ANO2: variants seen among roughly 807,000 people sequenced by gnomAD.
The protein encoded by ANO2 is anoctamin 2, also known as anoctamin-2.
A neutral mutation model predicts 124.2 loss-of-function variants in ANO2; 101 were observed. The ratio of observed to expected loss-of-function variants is 0.81; its 90% confidence interval spans 0.69 to 0.96. ANO2 has a LOEUF of 0.96. Ranked by LOEUF, ANO2 falls within the 40% of genes least tolerant of loss-of-function variation. ANO2 has a pLI of 0.00. For synonymous variants in ANO2, 486 were observed against 482.5 expected (o/e 1.01, Z -0.09); for missense variants, 1,293 against 1,274.5 (o/e 1.01, Z -0.22).
chr12:5,945,835 A>G (rs1449322377), upstream of ANO2, among the ~76,000 whole-genome samples: 1 of 152,162 alleles, frequency 6.6e-6, no homozygotes, highest in African/African-American at 2.4e-5. Context: ...ACCGCAAAAC[A>G]GGAGGGGCTG....
chr12:5,920,415 CA>C (rs1408628968), intron 3 of ANO2, among the ~76,000 whole-genome samples: 1 of 152,124 alleles, frequency 6.6e-6, no homozygotes, highest in Non-Finnish European at 1.5e-5. Context: ...CTGAGAATGT[CA>C]AGAAGAAATT....
chr12:5,756,431 G>A (rs1419606033), intron 10 of ANO2, among the ~76,000 whole-genome samples: 1 of 152,098 alleles, frequency 6.6e-6, no homozygotes, highest in Admixed American at 6.5e-5. Flanking sequence ...TGTGATCCTT[G>A]TAGCCTTAGA....
intron 4 of ANO2, among the ~76,000 whole-genome samples, chr12:5,851,737 C>G (rs949358805): frequency 3.6e-4 from 53 of 146,122 alleles, no homozygotes; most frequent in Admixed American, 1.2e-3. Context: ...GTGCAAAGAA[C>G]AGAGAGAGAG....
At chr12:5,930,472 G>A (rs987481792) in intron 1 of ANO2, among the ~76,000 whole-genome samples, 3 of 150,484 alleles carry the variant, frequency 2.0e-5, no homozygotes, top group African/African-American at 7.3e-5. Flanking sequence ...GACTCGATCA[G>A]GAAAGACCCT....
At position 5,759,754 on chromosome 12, in the gene ANO2, G is replaced by A. The variant is rs534965347; in HGVS notation, c.1056-8784C>T. On this transcript the variant is annotated intron_variant, in intron 10 of 24. Coordinates refer to ENST00000682330, the MANE Select transcript of ANO2 (RefSeq NM_001364791.2). ...TGATCCCTGGTGCCAAAAAGGTTGC[G>A]GACTGCTGCCTTAAAGTATGGAAAG... Among the ~76,000 whole-genome samples, 188 of 151,388 alleles carry A rather than the reference G, an allele frequency of 1.2e-3. 1 individual carries two copies. The highest frequency in any genetic ancestry group is 4.3e-3 in the African/African-American group (176 of 41,186).
At chr12:5,885,089 T>C (rs2137303881) in intron 3 of ANO2, among the ~76,000 whole-genome samples, 1 of 152,326 alleles carries the variant, frequency 6.6e-6, no homozygotes, top group South Asian at 2.1e-4. Context: ...GAACAAAATT[T>C]CCTTTGGTGG....
At chr12:5,633,134 C>T (rs1201026160) in intron 16 of ANO2, among the ~76,000 whole-genome samples, 1 of 152,198 alleles carries the variant, frequency 6.6e-6, no homozygotes, top group African/African-American at 2.4e-5. Flanking sequence ...AACCATTTCT[C>T]CTCTTGGGTG....
At chr12:5,808,501 C>T (rs144634266) in intron 7 of ANO2, among the ~76,000 whole-genome samples, 256 of 152,078 alleles carry the variant, frequency 1.7e-3, no homozygotes, top group Non-Finnish European at 3.2e-3. Flanking sequence ...TCCCGCCATA[C>T]GAGGATCCAC....
At chr12:5,930,023 C>G (rs1410694432) in intron 1 of ANO2, among the ~76,000 whole-genome samples, 82 of 101,260 alleles carry the variant, frequency 8.1e-4, no homozygotes, top group Admixed American at 1.2e-3. Flanking sequence ...TACCTTCTTT[C>G]CTTATTAGTC....
intron 14 of ANO2, among the ~76,000 whole-genome samples, chr12:5,720,576 TG>T (rs1424470228): frequency 6.6e-6 from 1 of 152,260 alleles, no homozygotes; most frequent in Non-Finnish European, 1.5e-5. Flanking sequence ...CCCAATGGTA[TG>T]TGCTGGCCTC....
At chr12:5,914,175 A>C (rs79930849) in intron 3 of ANO2, among the ~76,000 whole-genome samples, 2 of 150,398 alleles carry the variant, frequency 1.3e-5, no homozygotes, top group South Asian at 2.1e-4. Flanking sequence ...ACTCCAGCCT[A>C]GGTGACAGAG....
chr12:5,640,706 A>T (rs1417878729), intron 15 of ANO2, among the ~76,000 whole-genome samples: 1 of 152,222 alleles, frequency 6.6e-6, no homozygotes, highest in African/African-American at 2.4e-5. Context: ...AATGGCAATC[A>T]TTAAAAGTCA....
At position 5,933,965 on chromosome 12, in the gene ANO2, C is replaced by T. The variant is rs1222078277; in HGVS notation, c.23-11161G>A. Among the ~76,000 whole-genome samples, 3 of 152,254 alleles carry T rather than the reference C, an allele frequency of 2.0e-5. No homozygotes were observed. The East Asian group carries it at 5.8e-4, about 29-fold the overall frequency. ...CTGGATGCAATAAGAGCTCTAAAAGCTTTTGGAGGTAACGATGTAGGGAAC... is the reference window on the plus strand; with the variant it reads ...CTGGATGCAATAAGAGCTCTAAAAGTTTTTGGAGGTAACGATGTAGGGAAC... On this transcript the variant is annotated intron_variant, in intron 1 of 24. Coordinates refer to ENST00000682330, the MANE Select transcript of ANO2 (RefSeq NM_001364791.2).
At chr12:5,928,473 T>C (rs1212624657) in intron 1 of ANO2, among the ~76,000 whole-genome samples, 2 of 146,594 alleles carry the variant, frequency 1.4e-5, no homozygotes, top group Non-Finnish European at 3.0e-5. Context: ...CCTTCGTCAC[T>C]AGTCTACTTT....
chr12:5,794,891 G>C (rs1952802876), intron 10 of ANO2, among the ~76,000 whole-genome samples: 1 of 152,238 alleles, frequency 6.6e-6, no homozygotes, highest in African/African-American at 2.4e-5. Context: ...AGTAATCACA[G>C]ATTGATCAAC....
intron 3 of ANO2, among the ~76,000 whole-genome samples, chr12:5,915,132 C>T (rs548709623): frequency 1.1e-4 from 17 of 152,302 alleles, no homozygotes; most frequent in African/African-American, 3.6e-4. Flanking sequence ...ACAGGTGGCC[C>T]TCATTTATAT....
At chr12:5,937,242 A>G (rs1221904953) in intron 1 of ANO2, among the ~76,000 whole-genome samples, 1 of 152,162 alleles carries the variant, frequency 6.6e-6, no homozygotes, top group Non-Finnish European at 1.5e-5. Flanking sequence ...ACTTTTTTAT[A>G]TTAGCTATCC....
At chr12:5,612,067 T>C (rs1372429762) in intron 19 of ANO2, among the ~76,000 whole-genome samples, 4 of 152,242 alleles carry the variant, frequency 2.6e-5, no homozygotes, top group African/African-American at 9.6e-5. Flanking sequence ...ACTTGCTCCA[T>C]CTTTCTTTCT....
In ANO2 at chr12:5,658,937, A is replaced by G. The variant is rs1947314248; in HGVS notation, c.1546-11136T>C. On this transcript the variant is annotated intron_variant, in intron 14 of 24. Transcript: ENST00000682330. This position sits in a 1 kb window ranked among gnomAD's most constrained non-coding sequence, Gnocchi z 4.3. ...GCAGCATCATCATCATCATTGCTTT[A>G]TCCACCAGGGACCCTGTGGCCCCAA... is the stretch of plus-strand genomic sequence containing the variant. Among the ~76,000 whole-genome samples, 1 of 152,180 alleles carries G rather than the reference A, an allele frequency of 6.6e-6. No individual in the cohort carries two copies. Among genetic ancestry groups the G allele is most frequent in the South Asian group, 2.1e-4 (1 of 4,822 alleles).
Sources: gnomAD v4.1 joint callset for allele counts (sites outside exome capture counted in the v4.1 genomes callset) on GRCh38, gnomAD v4.1.1 for gene constraint, Gnocchi (gnomAD v3.1) non-coding constraint, MANE v1.5 for transcripts, NCBI Gene and HGNC (gene_info 2026-07-23, HGNC 2026-07-21) for gene names.